TNKS: variants seen among roughly 807,000 people sequenced by gnomAD.
TNKS encodes the protein tankyrase.
In TNKS, 72 loss-of-function variants were observed where a neutral mutation model predicts 135.8. The observed-to-expected ratio is 0.53, with a 90% CI of 0.44 to 0.64. TNKS has a LOEUF of 0.64. TNKS is among the 30% of genes least tolerant of loss of function. The probability of loss-of-function intolerance (pLI) is 0.00; values close to 1 mark genes in which losing one functional copy is unlikely to be tolerated. For missense variants in TNKS, 1,769 were observed against 1,674.0 expected, an observed-to-expected ratio of 1.06 and a Z score of -0.99; for synonymous variants, 849 against 649.3, an observed-to-expected ratio of 1.31 and a Z score of -4.68.
At chr8:9,629,635 T>G (rs1412276827) in intron 3 of TNKS, among the ~76,000 whole-genome samples, 1 of 152,228 alleles carries the variant, frequency 6.6e-6, no homozygotes, top group African/African-American at 2.4e-5. Flanking sequence ...TGAAATGTTC[T>G]TTTCCTCAAA....
At chr8:9,703,151 C>T (rs1201911484) in intron 5 of TNKS, among the ~76,000 whole-genome samples, 4 of 152,134 alleles carry the variant, frequency 2.6e-5, no homozygotes, top group African/African-American at 9.7e-5. Context: ...GTACCAAACC[C>T]TATATATGGT....
intron 2 of TNKS, among the ~76,000 whole-genome samples, chr8:9,611,679 T>A (rs1040062432): frequency 3.3e-5 from 5 of 152,242 alleles, no homozygotes; most frequent in African/African-American, 1.2e-4. Context: ...CTTTGCCTCA[T>A]GTATGTGCCA....
intron 26 of TNKS, among the ~76,000 whole-genome samples, chr8:9,774,619 T>A (rs1215372538): frequency 6.6e-6 from 1 of 152,174 alleles, no homozygotes; most frequent in Non-Finnish European, 1.5e-5. Flanking sequence ...CCTTAATCCC[T>A]CTGGACTGTA....
chr8:9,763,793 G>T (rs1413490083), intron 22 of TNKS, among the ~76,000 whole-genome samples: 1 of 152,106 alleles, frequency 6.6e-6, no homozygotes, highest in South Asian at 2.1e-4. Flanking sequence ...CTCCACTGAC[G>T]GCTTATGCAT....
chr8:9,632,883 C>A (rs931014218), intron 3 of TNKS, among the ~76,000 whole-genome samples: 1 of 152,146 alleles, frequency 6.6e-6, no homozygotes, highest in Non-Finnish European at 1.5e-5. Context: ...GCGCCTGCCA[C>A]CACGCCCGGC....
At position 9,764,763 on chromosome 8, in the gene TNKS, C is replaced by A. The variant is rs1807334994; in HGVS notation, c.3420C>A (p.Gly1140=). 6.3e-7 allele frequency: 1 copy of A among 1,597,414 alleles called. No individual in the cohort carries two copies. Among genetic ancestry groups the A allele is most frequent in the South Asian group, 1.1e-5 (1 of 87,296 alleles). ...REHRDGGNAG[G]IFNRYNVIRI... ...ACAGAGATGGTGGTAATGCTGGCGG[C>A]ATCTTCAACAGATACAATGTCATTC... Residue 1140 remains glycine (G), a synonymous_variant, in exon 23 of 27, where the codon GGC becomes GGA. Transcript: ENST00000310430.
At chr8:9,658,568 A>G (rs191501874) in intron 3 of TNKS, 20,147 of 316,494 alleles carry the variant, frequency 0.064, 833 homozygotes, top group South Asian at 0.15. Flanking sequence ...CTGCCCTAAA[A>G]GAGCTCCTGA....
At chr8:9,704,483 T>A (rs1370849739) in intron 5 of TNKS, among the ~76,000 whole-genome samples, 180 bp from the exon 6 acceptor site, 1 of 152,162 alleles carries the variant, frequency 6.6e-6, no homozygotes. Context: ...GGCACTAAAG[T>A]TAGTATTGAC....
At chr8:9,674,104 T>C (rs775124962) in intron 3 of TNKS, among the ~76,000 whole-genome samples, 1 of 152,204 alleles carries the variant, frequency 6.6e-6, no homozygotes, top group Non-Finnish European at 1.5e-5. Context: ...TCAAATAACT[T>C]TGTTTTGTTT....
chr8:9,611,192 C>T (rs4464970), intron 2 of TNKS, among the ~76,000 whole-genome samples: 43,750 of 152,012 alleles, frequency 0.29, 6,594 homozygotes, highest in East Asian at 0.38. Flanking sequence ...AGAGCTGAGA[C>T]GCATTAGTAA....
intron 17 of TNKS, among the ~76,000 whole-genome samples, chr8:9,745,358 T>A (rs991629786): frequency 2.0e-5 from 3 of 152,170 alleles, no homozygotes; most frequent in African/African-American, 7.2e-5. Context: ...TGAGAAGACT[T>A]AGTCTGATTA....
chr8:9,759,399 G>A (rs1035432832), intron 20 of TNKS, among the ~76,000 whole-genome samples: 1 of 152,232 alleles, frequency 6.6e-6, no homozygotes, highest in Admixed American at 6.5e-5. Flanking sequence ...AGGGATTACA[G>A]TGAAGACACA....
intron 5 of TNKS, among the ~76,000 whole-genome samples, chr8:9,691,241 A>T (rs1803252294): frequency 6.9e-6 from 1 of 144,632 alleles, no homozygotes. Flanking sequence ...AGAATCAATT[A>T]TTCTTTCCAA....
intron 2 of TNKS, among the ~76,000 whole-genome samples, chr8:9,582,838 T>G (rs1296738662): frequency 6.6e-6 from 1 of 152,152 alleles, no homozygotes; most frequent in East Asian, 1.9e-4. Context: ...GAATTCCCAT[T>G]TCCTCTGTTT....
chr8:9,665,881 C>T (rs1237959739), intron 3 of TNKS, among the ~76,000 whole-genome samples: 1 of 152,140 alleles, frequency 6.6e-6, no homozygotes, highest in African/African-American at 2.4e-5. Context: ...GTCTACGCAC[C>T]TCAAGAATAT....
At chr8:9,682,675 T>G (rs1369378461) in intron 5 of TNKS, among the ~76,000 whole-genome samples, 1 of 152,076 alleles carries the variant, frequency 6.6e-6, no homozygotes, top group African/African-American at 2.4e-5. Flanking sequence ...AGCAGAAGCT[T>G]AGAATAGAAC....
At chr8:9,575,927 G>T (rs894270196) in intron 1 of TNKS, among the ~76,000 whole-genome samples, 3 of 152,172 alleles carry the variant, frequency 2.0e-5, no homozygotes, top group South Asian at 2.1e-4. Flanking sequence ...ACGTAGTAAG[G>T]GTTCTATGCC....
At chr8:9,637,729 C>G (rs534369666) in intron 3 of TNKS, among the ~76,000 whole-genome samples, 2 of 152,074 alleles carry the variant, frequency 1.3e-5, no homozygotes, top group Non-Finnish European at 2.9e-5. Context: ...TTTGCTTATA[C>G]TCTTTGTAAA....
In TNKS at chr8:9,780,438, GTATT is replaced by G. The variant is rs1018487410; in HGVS notation, c.*3705_*3708del. On this transcript the variant is annotated 3_prime_UTR_variant, in exon 27 of 27. Transcript: ENST00000310430. The stretch of plus-strand genomic sequence containing the variant: ...TAAGATAGGATTTCATGTCAGATAC[GTATT>G]TAAAGAGTAAAGTCAAATTTGTTTA... 5 of 152,296 alleles carry G rather than the reference GTATT, an allele frequency of 3.3e-5. No individual in the cohort carries two copies. Among genetic ancestry groups the G allele is most frequent in the African/African-American group, 1.2e-4 (5 of 41,562 alleles). 9.4% of individuals were successfully genotyped at this position (152,296 alleles called of 1,614,324 possible). A position where few individuals can be genotyped will look rare whatever the true frequency, so the allele number is the denominator to read the frequency against.
Sources: gnomAD v4.1 joint callset for allele counts (sites outside exome capture counted in the v4.1 genomes callset) on GRCh38, gnomAD v4.1.1 for gene constraint, MANE v1.5 for transcripts, NCBI Gene and HGNC (gene_info 2026-07-23, HGNC 2026-07-21) for gene names.